The following CNTNAP2 variants were observed in gnomAD, a reference collection of about 807,000 sequenced individuals.
CNTNAP2 encodes the protein contactin associated protein 2, also known as contactin-associated protein-like 2.
In CNTNAP2, 98 loss-of-function variants were observed where a neutral mutation model predicts 155.2. That is an observed-to-expected ratio of 0.63 (90% CI 0.54 to 0.75). The LOEUF (loss-of-function observed/expected upper bound fraction) is 0.75. Among genes scored for constraint, CNTNAP2 ranks in the 30% least tolerant of loss-of-function variants. The pLI, the probability that CNTNAP2 is intolerant of heterozygous loss-of-function variation, is 0.00. For missense variants in CNTNAP2, 1,727 were observed against 1,688.1 expected (o/e 1.02, Z -0.40); for synonymous variants, 651 against 631.2 (o/e 1.03, Z -0.47).
intron 1 of CNTNAP2, among the ~76,000 whole-genome samples, chr7:146,624,442 A>G (rs1799384684): frequency 6.6e-6 from 1 of 150,756 alleles, no homozygotes; most frequent in African/African-American, 2.4e-5. Context: ...TGTTATTTTT[A>G]TTTTAATATG....
intron 17 of CNTNAP2, among the ~76,000 whole-genome samples, chr7:148,151,595 A>C (rs1277622749): frequency 6.6e-6 from 1 of 152,162 alleles, no homozygotes; most frequent in African/African-American, 2.4e-5. Context: ...TATGCCCAGC[A>C]GGTCCATTCT....
intron 15 of CNTNAP2, among the ~76,000 whole-genome samples, chr7:148,087,416 A>T (rs1446314324): frequency 1.3e-5 from 2 of 152,134 alleles, no homozygotes; most frequent in Non-Finnish European, 2.9e-5. Context: ...TTTAAATTAT[A>T]ACTATCTTTT....
chr7:147,010,800 C>G lies in CNTNAP2; in HGVS notation c.403-33107C>G, dbSNP rs939017946. ...ATCATTGTAGTGATAATCAATGCTGCTAAGAAATATACTGGCTGAGAAAAC... is the reference window on the plus strand; with the variant it reads ...ATCATTGTAGTGATAATCAATGCTGGTAAGAAATATACTGGCTGAGAAAAC... On this transcript the variant is annotated intron_variant, in intron 3 of 23. Coordinates refer to ENST00000361727, the MANE Select transcript of CNTNAP2 (RefSeq NM_014141.6). 1.3e-5 allele frequency among the ~76,000 whole-genome samples: 2 copies of G among 152,006 alleles called. 1 individual carries two copies. The highest frequency in any genetic ancestry group is 1.3e-4 in the Admixed American group (2 of 15,246).
At chr7:146,531,514 G>C (rs1797768959) in intron 1 of CNTNAP2, among the ~76,000 whole-genome samples, 1 of 152,072 alleles carries the variant, frequency 6.6e-6, no homozygotes, top group Non-Finnish European at 1.5e-5. Context: ...GATTGGCTTA[G>C]AATGTTATAA....
intron 1 of CNTNAP2, among the ~76,000 whole-genome samples, chr7:146,598,229 A>G (rs1449570860): frequency 6.6e-6 from 1 of 152,018 alleles, no homozygotes; most frequent in Non-Finnish European, 1.5e-5. Context: ...CAACACAGCA[A>G]TTGTCTCTTC....
At chr7:147,915,182 A>G (rs748551323) in intron 14 of CNTNAP2, among the ~76,000 whole-genome samples, 29 of 152,216 alleles carry the variant, frequency 1.9e-4, no homozygotes, top group Non-Finnish European at 4.0e-4. Context: ...ATCAACAACA[A>G]AACCAAACAA....
At chr7:147,544,755 A>G (rs1165335526) in intron 11 of CNTNAP2, among the ~76,000 whole-genome samples, 1 of 152,034 alleles carries the variant, frequency 6.6e-6, no homozygotes, top group African/African-American at 2.4e-5. Flanking sequence ...TCATGGGGGC[A>G]GTTCCCCCAT....
chr7:148,351,598 C>T (rs529154014), intron 21 of CNTNAP2, among the ~76,000 whole-genome samples: 2 of 151,676 alleles, frequency 1.3e-5, no homozygotes, highest in African/African-American at 4.8e-5. Flanking sequence ...CAAAAATTAG[C>T]TGGGCGTGGT....
intron 12 of CNTNAP2, among the ~76,000 whole-genome samples, chr7:147,585,644 T>A (rs1472816799): frequency 6.6e-6 from 1 of 151,784 alleles, no homozygotes; most frequent in Non-Finnish European, 1.5e-5. Context: ...ATATAAATAC[T>A]TATAATCTCT....
chr7:148,411,784 G>GAA (rs35153722), intron 23 of CNTNAP2, among the ~76,000 whole-genome samples: 45,608 of 144,520 alleles, frequency 0.32, 8,237 homozygotes, highest in African/African-American at 0.49. Flanking sequence ...ACCATTTGTT[G>GAA]AAAAAAAAAA....
intron 2 of CNTNAP2, among the ~76,000 whole-genome samples, chr7:146,809,147 G>C (rs1414419083): frequency 6.6e-6 from 1 of 152,086 alleles, no homozygotes; most frequent in African/African-American, 2.4e-5. Flanking sequence ...CTCCAAACTG[G>C]TTTCCATAAT....
At chr7:148,333,219 G>A (rs1798061293) in intron 21 of CNTNAP2, among the ~76,000 whole-genome samples, 1 of 152,186 alleles carries the variant, frequency 6.6e-6, no homozygotes, top group African/African-American at 2.4e-5. Context: ...CCTGAGGTCA[G>A]GAGTTCGAGA....
At chr7:147,197,333 G>A in intron 8 of CNTNAP2, among the ~76,000 whole-genome samples, 1 of 148,294 alleles carries the variant, frequency 6.7e-6, no homozygotes, top group East Asian at 2.0e-4. Flanking sequence ...GCTCGGGCCT[G>A]CCCCCCCGCC....
chr7:147,625,887 A>T (rs1794961925), intron 12 of CNTNAP2, among the ~76,000 whole-genome samples: 1 of 152,224 alleles, frequency 6.6e-6, no homozygotes, highest in African/African-American at 2.4e-5. Context: ...GGGGACCTGA[A>T]AATCCAGATC....
Position 148,065,404 on chromosome 7 carries a change from G to A in CNTNAP2, c.2384-52714G>A, listed in dbSNP as rs967977591. Among the ~76,000 whole-genome samples the A allele has an allele frequency of 2.0e-5, 3 of 152,044 alleles. No homozygotes were observed. In the South Asian group the frequency reaches 6.2e-4, roughly 32 times the overall value. ...TGGAATATTGAAGCCCCCCAATATT[G>A]TTGTGTTGTTGTCTATCTCATTTCT... On this transcript the variant is annotated intron_variant, in intron 15 of 23. Coordinates refer to ENST00000361727, the MANE Select transcript of CNTNAP2 (RefSeq NM_014141.6).
intron 15 of CNTNAP2, among the ~76,000 whole-genome samples, chr7:148,015,188 A>C (rs1802155240): frequency 1.3e-5 from 2 of 152,180 alleles, no homozygotes; most frequent in African/African-American, 4.8e-5. Context: ...TTCCCCTTTA[A>C]TTTGCAGAAC....
At chr7:147,828,523 A>T (rs567087561) in intron 13 of CNTNAP2, among the ~76,000 whole-genome samples, 7 of 152,348 alleles carry the variant, frequency 4.6e-5, no homozygotes, top group Admixed American at 3.9e-4. Context: ...GTCATGAGGC[A>T]TCAAACAATA....
intron 2 of CNTNAP2, among the ~76,000 whole-genome samples, chr7:146,806,280 C>A (rs1427038001): frequency 2.6e-5 from 4 of 151,376 alleles, no homozygotes; most frequent in African/African-American, 4.9e-5. Flanking sequence ...TCACCAAGGT[C>A]AGGAGTTCAA....
chr7:147,665,359 G>A (rs749658477), intron 13 of CNTNAP2, among the ~76,000 whole-genome samples: 14 of 152,126 alleles, frequency 9.2e-5, no homozygotes, highest in Admixed American at 4.6e-4. Flanking sequence ...CTATTTTACC[G>A]TAGATGGATA....
Sources: allele counts gnomAD v4.1 joint callset (sites outside exome capture counted in the v4.1 genomes callset), GRCh38; gene constraint gnomAD v4.1.1; transcripts MANE v1.5; gene names NCBI Gene and HGNC (gene_info 2026-07-23, HGNC 2026-07-21).